CYYR1: variants seen among roughly 807,000 people sequenced by gnomAD.
The protein encoded by CYYR1 is cysteine and tyrosine rich 1.
A neutral mutation model predicts 15.2 loss-of-function variants in CYYR1; 14 were observed. The ratio of observed to expected loss-of-function variants is 0.92; its 90% confidence interval spans 0.61 to 1.44. The LOEUF is 1.44. CYYR1 is among the 40% of genes most tolerant of loss of function. The pLI, the probability that CYYR1 is intolerant of heterozygous loss-of-function variation, is 0.00. For synonymous variants in CYYR1, 80 were observed against 77.4 expected, an observed-to-expected ratio of 1.03 and a Z score of -0.18; for missense variants, 228 against 209.5, an observed-to-expected ratio of 1.09 and a Z score of -0.54.
intron 2 of CYYR1, among the ~76,000 whole-genome samples, chr21:26,556,623 C>T (rs1486365820): frequency 2.0e-5 from 3 of 151,994 alleles, no homozygotes; most frequent in African/African-American, 7.3e-5. Context: ...TCAGGCACGT[C>T]CTCACATGGC....
At chr21:26,566,633 T>C (rs1601840237) in intron 1 of CYYR1, among the ~76,000 whole-genome samples, 1 of 152,118 alleles carries the variant, frequency 6.6e-6, no homozygotes, top group Non-Finnish European at 1.5e-5. Flanking sequence ...TGGAATGAGA[T>C]AATGAAGGAA....
chr21:26,509,887 C>T (rs921860609), intron 2 of CYYR1, among the ~76,000 whole-genome samples: 12 of 152,282 alleles, frequency 7.9e-5, no homozygotes, highest in African/African-American at 2.6e-4. Context: ...GTTCTAAGTG[C>T]TCTGGAAGGA....
intron 1 of CYYR1, among the ~76,000 whole-genome samples, chr21:26,570,208 A>G (rs1322605512): frequency 6.6e-6 from 1 of 152,184 alleles, no homozygotes; most frequent in Non-Finnish European, 1.5e-5. Flanking sequence ...TATTACTTCT[A>G]ATGTCCAAGT....
chr21:26,489,754 A>T (rs1394697688), intron 2 of CYYR1, among the ~76,000 whole-genome samples: 1 of 152,120 alleles, frequency 6.6e-6, no homozygotes, highest in Non-Finnish European at 1.5e-5. Flanking sequence ...TGTACATGAA[A>T]GTGATTCATT....
intron 2 of CYYR1, among the ~76,000 whole-genome samples, chr21:26,531,419 C>T (rs1413710691): frequency 1.3e-5 from 2 of 152,268 alleles, no homozygotes; most frequent in East Asian, 1.9e-4. Flanking sequence ...ATAATCCCCA[C>T]GTGTTGAAGG....
intron 2 of CYYR1, among the ~76,000 whole-genome samples, chr21:26,502,232 G>A (rs1003903960): frequency 6.6e-6 from 1 of 150,962 alleles, no homozygotes; most frequent in East Asian, 1.9e-4. Flanking sequence ...ACAGATCAAA[G>A]ATACTCTGCT....
intron 3 of CYYR1, among the ~76,000 whole-genome samples, chr21:26,476,360 C>G (rs895961682): frequency 8.5e-5 from 13 of 152,128 alleles, no homozygotes; most frequent in African/African-American, 3.1e-4. Context: ...CACCTGATAA[C>G]TGACAAGAAA....
chr21:26,545,784 CG>C (rs1333665306), intron 2 of CYYR1, among the ~76,000 whole-genome samples: 1 of 151,662 alleles, frequency 6.6e-6, no homozygotes, highest in Non-Finnish European at 1.5e-5. Context: ...GGGGTTTCAC[CG>C]TGTTAGCCAG....
chr21:26,519,398 G>A (rs145516509), intron 2 of CYYR1, among the ~76,000 whole-genome samples: 408 of 152,270 alleles, frequency 2.7e-3, no homozygotes, highest in African/African-American at 9.4e-3. Context: ...AGACATCTGG[G>A]TAACAGCATA....
intron 2 of CYYR1, among the ~76,000 whole-genome samples, chr21:26,500,601 G>A (rs2065467946): frequency 1.3e-5 from 2 of 152,158 alleles, no homozygotes; most frequent in Admixed American, 6.5e-5. Context: ...CTTATCAGGA[G>A]CTGAACAAGA....
chr21:26,553,350 C>CA (rs1169206446), intron 2 of CYYR1, among the ~76,000 whole-genome samples: 2 of 152,182 alleles, frequency 1.3e-5, no homozygotes, highest in South Asian at 2.1e-4. Context: ...GGAATTTCCT[C>CA]AGCTTCTTAG....
chr21:26,540,132 G>A (rs930387331), intron 2 of CYYR1, among the ~76,000 whole-genome samples: 1 of 152,180 alleles, frequency 6.6e-6, no homozygotes, highest in African/African-American at 2.4e-5. Flanking sequence ...AAGGATGTAT[G>A]TAGTTTCTTT....
intron 2 of CYYR1, among the ~76,000 whole-genome samples, chr21:26,539,026 G>A (rs974575784): frequency 1.2e-4 from 18 of 152,076 alleles, no homozygotes; most frequent in Admixed American, 1.3e-4. Context: ...TACAGGCAAA[G>A]AATAATGTGA....
intron 2 of CYYR1, among the ~76,000 whole-genome samples, chr21:26,556,385 G>A (rs1305243893): frequency 6.6e-6 from 1 of 152,010 alleles, no homozygotes; most frequent in Non-Finnish European, 1.5e-5. Flanking sequence ...CGTCCTCTTA[G>A]GTCTGGAATG....
intron 2 of CYYR1, among the ~76,000 whole-genome samples, chr21:26,495,210 TG>T (rs2065379943): frequency 6.6e-6 from 1 of 152,170 alleles, no homozygotes; most frequent in Admixed American, 6.5e-5. Flanking sequence ...GAGATTCTTC[TG>T]ATCACGTTAA....
Position 26,468,570 on chromosome 21 carries a change from G to C in CYYR1, c.399C>G (p.Tyr133Ter), listed in dbSNP as rs755490130. The C allele has an allele frequency of 1.9e-6, 3 of 1,613,552 alleles. No homozygotes were observed. In the African/African-American group the frequency reaches 4.0e-5, roughly 22 times the overall value. The change falls in exon 4 of 4, where the codon TAC (tyrosine) becomes TAG (stop). Residue 133 changes from tyrosine (Y) to a stop codon, truncating the protein, a stop_gained. Coordinates refer to ENST00000652641, the MANE Select transcript of CYYR1 (RefSeq NM_001320768.2). LOFTEE classifies it high-confidence loss of function. ...MEYCADLPPPYSPTPQGPAQR... is the reference protein window; with the variant it reads ...MEYCADLPPP ...GTGCTGGACCCTGTGGGGTGGGGGA[G>C]TATGGAGGAGGCAAGTCTGCACAGT...
intron 3 of CYYR1, chr21:26,477,946 G>A: frequency 7.1e-7 from 1 of 1,401,218 alleles, no homozygotes; most frequent in East Asian, 2.7e-5. Flanking sequence ...TTTGTAGTGA[G>A]TACATTCCAG....
intron 2 of CYYR1, among the ~76,000 whole-genome samples, chr21:26,565,971 A>C (rs1193786478): frequency 6.6e-6 from 1 of 152,244 alleles, no homozygotes; most frequent in Non-Finnish European, 1.5e-5. Context: ...ATTATCAATA[A>C]AATGATGTCT....
chr21:26,528,354 T>C (rs936195672), intron 2 of CYYR1, among the ~76,000 whole-genome samples: 5 of 152,176 alleles, frequency 3.3e-5, no homozygotes, highest in Non-Finnish European at 7.3e-5. Flanking sequence ...GTTTAGGTCA[T>C]GGAGCAGGTC....
Sources: allele counts gnomAD v4.1 joint callset (sites outside exome capture counted in the v4.1 genomes callset), GRCh38; gene constraint gnomAD v4.1.1; transcripts MANE v1.5; gene names NCBI Gene and HGNC (gene_info 2026-07-23, HGNC 2026-07-21).